Variants in NEB observed in about 807,000 individuals in gnomAD.
NEB encodes nemaline myopathy type 2.
A neutral mutation model predicts 952.2 loss-of-function variants in NEB; 512 were observed. The ratio of observed to expected loss-of-function variants is 0.54; its 90% confidence interval spans 0.50 to 0.58. NEB has a LOEUF of 0.58. Among genes scored for constraint, NEB ranks in the 20% least tolerant of loss-of-function variants. NEB has a pLI of 0.00. For synonymous variants in NEB, 2,900 were observed against 3,149.8 expected (o/e 0.92, Z 2.66); for missense variants, 8,428 against 9,231.1 (o/e 0.91, Z 3.56).
intron 2 of NEB, 95 bp from the exon 3 acceptor site, chr2:151,733,280 C>T: frequency 1.1e-6 from 1 of 905,290 alleles, no homozygotes; most frequent in Non-Finnish European, 1.7e-6. Context: ...TGAAGCTAAA[C>T]TATTGTACAA....
intron 6 of NEB, 93 bp from the exon 7 acceptor site, chr2:151,725,054 G>A: frequency 4.3e-6 from 4 of 936,048 alleles, no homozygotes; most frequent in South Asian, 4.2e-5. Context: ...TTACCCCAAT[G>A]ACTCTAGGTC....
chr2:151,688,472 C>T, intron 24 of NEB, 76 bp from the exon 25 acceptor site: 6 of 1,104,982 alleles, frequency 5.4e-6, no homozygotes, highest in Admixed American at 1.9e-5. Context: ...ATAGCTAAGG[C>T]ATTAGTGCTG....
Position 151,666,225 on chromosome 2 carries a change from G to C in NEB, c.4896C>G (p.Val1632=), listed in dbSNP as rs373861490. 5 of 1,613,850 alleles carry C rather than the reference G, an allele frequency of 3.1e-6. No homozygotes were observed. In the African/African-American group the frequency reaches 6.7e-5, roughly 22 times the overall value. ...GAGATTTCTTTGCAGCTGTCACACTGACCATATCCAGAGGTGTGTGGTACT... is the reference window on the plus strand; with the variant it reads ...GAGATTTCTTTGCAGCTGTCACACTCACCATATCCAGAGGTGTGTGGTACT... ...KTKYHTPLDM[V]SVTAAKKSQE... Residue 1632 remains valine (V), a synonymous_variant, in exon 41 of 182, where the codon GTC becomes GTG. Coordinates refer to ENST00000397345, the MANE Select transcript of NEB (RefSeq NM_001164508.2).
chr2:151,560,820 T>A, intron 123 of NEB, 121 bp from the exon 124 acceptor site: 1 of 792,052 alleles, frequency 1.3e-6, no homozygotes, highest in Non-Finnish European at 2.0e-6. Flanking sequence ...CCAGGACTCC[T>A]CTTTAAGGTG....
At chr2:151,560,980 A>AG (rs776789204) in intron 123 of NEB, 24 bp downstream of exon 123, 167 of 1,442,958 alleles carry the variant, frequency 1.2e-4, no homozygotes, top group Non-Finnish European at 1.6e-4. Flanking sequence ...CTCATATATA[A>AG]GGGGGAAAAA....
At position 151,549,697 on chromosome 2, in the gene NEB, C is replaced by A; in HGVS notation, c.19988G>T (p.Arg6663Ile). Residue 6663 changes from arginine to isoleucine, a missense_variant, in exon 130 of 182, where the codon AGA becomes ATA. Arg to Ile is a moderately conservative substitution (Grantham distance 97, BLOSUM62 -3). Coordinates refer to ENST00000397345, the MANE Select transcript of NEB (RefSeq NM_001164508.2). ...TSLRTLPTGY[R>I]LPGDTPHFKH... ...GAAGTGAGGAGTGTCACCTGGAAGT[C>A]TATATCCAGTGGGCAGGGTGCGCAG... The A allele has an allele frequency of 6.2e-7, 1 of 1,600,042 alleles. No individual in the cohort carries two copies. The highest frequency in any genetic ancestry group is 8.5e-7 in the Non-Finnish European group (1 of 1,172,858).
rs1405498595 is a variant in NEB, at chr2:151,546,410, C to T, written c.20401G>A (p.Gly6801Arg). 1.9e-6 allele frequency: 3 copies of T among 1,613,436 alleles called. No individual in the cohort carries two copies. In the Admixed American group the frequency reaches 5.0e-5, roughly 27 times the overall value. Reference sequence around the variant, plus strand: ...GTGTCATACAGGAAGCAGCCAAATCCCTTCAGGACCTGCAAGTCCTCTTTG... The same window carrying T: ...GTGTCATACAGGAAGCAGCCAAATCTCTTCAGGACCTGCAAGTCCTCTTTG... Reference protein sequence around the residue: ...KYKEDLQVLKGFGCFLYDTPD... With the variant: ...KYKEDLQVLKRFGCFLYDTPD... The change falls in exon 134 of 182, where the codon GGA (glycine) becomes AGA (arginine). Residue 6801 changes from glycine to arginine, a missense_variant. Gly to Arg is a moderately radical substitution (Grantham distance 125). Transcript: ENST00000397345.
chr2:151,676,464 G>A lies in NEB; in HGVS notation c.3775-1073C>T, dbSNP rs531386439. 7.2e-5 allele frequency among the ~76,000 whole-genome samples: 11 copies of A among 152,270 alleles called. No individual in the cohort carries two copies. In the South Asian group the frequency reaches 2.3e-3, roughly 32 times the overall value. On this transcript the variant is annotated intron_variant, in intron 34 of 181. Transcript: ENST00000397345. ...GCATTGTCTTTTAAAACACAAGCCT[G>A]ATAATGCGGCTCCATCGATTAAACA...
chr2:151,680,951 A>G, intron 29 of NEB, 123 bp from the exon 30 acceptor site: 1 of 785,828 alleles, frequency 1.3e-6, no homozygotes, highest in South Asian at 1.5e-5. Flanking sequence ...AAATGCAAAA[A>G]CACTAGATTC....
intron 107 of NEB, 84 bp downstream of exon 107, chr2:151,575,611 C>A: frequency 1.0e-6 from 1 of 974,128 alleles, no homozygotes; most frequent in Non-Finnish European, 1.6e-6. Flanking sequence ...GGGACCGAGT[C>A]CATCTTCCCT....
Position 151,654,063 on chromosome 2 carries a change from T to C in NEB, c.6844A>G (p.Lys2282Glu). The C allele has an allele frequency of 6.2e-7, 1 of 1,610,480 alleles. No homozygotes were observed. The highest frequency in any genetic ancestry group is 8.5e-7 in the Non-Finnish European group (1 of 1,178,230). The change falls in exon 52 of 182, where the codon AAA becomes GAA. Residue 2282 changes from lysine to glutamate, a missense_variant. By Grantham distance (56) the Lys-to-Glu change is moderately conservative (BLOSUM62 1). Coordinates refer to ENST00000397345, the MANE Select transcript of NEB (RefSeq NM_001164508.2). The stretch of plus-strand genomic sequence containing the variant: ...GCATCAACTGGGAGATCATAGCCTT[T>C]CTTCAAAGCTTCTTCCCATCCAAGT... ...YKLGWEEALK[K>E]GYDLPVDAIS... is the part of the protein sequence containing the mutation.
At chr2:151,659,214 A>G (rs1193914679) in intron 46 of NEB, 45 bp from the exon 47 acceptor site, 1 of 1,284,318 alleles carries the variant, frequency 7.8e-7, no homozygotes, top group Non-Finnish European at 1.1e-6. Context: ...TCTTAAAAGA[A>G]GCTCACTTAG....
At chr2:151,658,436 AAACATCTCTGTTTT>A (rs997663531) in intron 47 of NEB, among the ~76,000 whole-genome samples, 1 of 152,188 alleles carries the variant, frequency 6.6e-6, no homozygotes, top group Non-Finnish European at 1.5e-5. Flanking sequence ...CATCAAAAGA[AAACATCTCTGTTTT>A]AGAATCAGCA....
chr2:151,517,121 A>AGGCT (rs1301982800), intron 156 of NEB, among the ~76,000 whole-genome samples: 1 of 152,208 alleles, frequency 6.6e-6, no homozygotes, highest in Admixed American at 6.5e-5. Context: ...AATGAAAACT[A>AGGCT]GTTTACATAT....
intron 114 of NEB, among the ~76,000 whole-genome samples, chr2:151,566,489 G>C (rs190576328): frequency 1.6e-4 from 24 of 152,294 alleles, no homozygotes; most frequent in Admixed American, 1.5e-3. Flanking sequence ...TTTTGTTAAT[G>C]ATGAGAAGAC....
chr2:151,661,174 C>G (rs908438963), intron 46 of NEB, among the ~76,000 whole-genome samples: 19 of 152,116 alleles, frequency 1.2e-4, no homozygotes, highest in Non-Finnish European at 1.8e-4. Flanking sequence ...CCAGTACGTG[C>G]TAGTTCTATG....
In NEB at chr2:151,618,478, T is replaced by A. The variant is rs768748857; in HGVS notation, c.10873A>T (p.Asn3625Tyr). ...CATTCAAGGTCTGACTTATACAAAT[T>A]CTGCAGATCAACAGATAAGAAACAG... ...ARKAYDLQSDNLYKSDLEWMK... is the reference protein window; with the variant it reads ...ARKAYDLQSDYLYKSDLEWMK... The change falls in exon 74 of 182, where the codon AAT (asparagine) becomes TAT (tyrosine). Residue 3625 changes from asparagine to tyrosine, a missense_variant and splice_region_variant. Asn to Tyr is a moderately radical substitution (Grantham distance 143). This residue lies in a region of NEB where 1,772 missense variants were observed against 1,960.3 expected (regional missense o/e 0.90). Coordinates refer to ENST00000397345, the MANE Select transcript of NEB (RefSeq NM_001164508.2). 1 of 1,612,618 alleles carries A rather than the reference T, an allele frequency of 6.2e-7. No individual in the cohort carries two copies. Among genetic ancestry groups the A allele is most frequent in the Non-Finnish European group, 8.5e-7 (1 of 1,179,124 alleles).
At chr2:151,630,965 A>G in intron 66 of NEB, 146 bp from the exon 67 acceptor site, 1 of 1,157,714 alleles carries the variant, frequency 8.6e-7, no homozygotes, top group Non-Finnish European at 1.2e-6. Flanking sequence ...GAGTCTTATT[A>G]CTAGTTATCA....
At chr2:151,565,388 T>C in intron 116 of NEB, 113 bp downstream of exon 116, 1 of 825,526 alleles carries the variant, frequency 1.2e-6, no homozygotes, top group Admixed American at 2.1e-5. Flanking sequence ...ATCTTAGAAT[T>C]TACCACCTCC....
Sources: allele counts gnomAD v4.1 joint callset (sites outside exome capture counted in the v4.1 genomes callset), GRCh38; gene constraint gnomAD v4.1.1; regional missense constraint gnomAD v4.1.1; transcripts MANE v1.5; gene names NCBI Gene and HGNC (gene_info 2026-07-23, HGNC 2026-07-21).